The following SNRPN variants were observed in gnomAD, a reference collection of about 807,000 sequenced individuals.
The protein encoded by SNRPN is small nuclear ribonucleoprotein-associated protein N.
Under a neutral mutation model 25.2 loss-of-function variants are expected in SNRPN, and 7 were observed. The ratio of observed to expected loss-of-function variants is 0.28; its 90% CI spans 0.16 to 0.52. SNRPN has a LOEUF of 0.52. Among genes scored for constraint, SNRPN ranks in the 20% least tolerant of loss-of-function variants. SNRPN has a pLI of 0.96. For synonymous variants in SNRPN, 124 were observed against 110.6 expected, an observed-to-expected ratio of 1.12 and a Z score of -0.76; for missense variants, 196 against 322.5, an observed-to-expected ratio of 0.61 and a Z score of 3.00.
chr15:24,928,857 C>T (rs151099094), intron 3 of SNRPN, among the ~76,000 whole-genome samples: 16 of 152,176 alleles, frequency 1.1e-4, no homozygotes, highest in East Asian at 9.7e-4. Flanking sequence ...ATCTTCCTGC[C>T]GTGGTCTCCC....
chr15:24,904,897 C>T (rs530847127), intron 2 of SNRPN, among the ~76,000 whole-genome samples: 202 of 147,750 alleles, frequency 1.4e-3, no homozygotes, highest in African/African-American at 4.2e-3. Flanking sequence ...GAGCCGAGAT[C>T]GCGCCACTGC....
rs1052466091 is a variant in SNRPN, at chr15:24,936,373, T to A, written c.-391+16249T>A. On this transcript the variant is annotated intron_variant, in intron 3 of 11. Transcript: ENST00000400097. ...TGATATCTGGTAGGGATGGCGGTGC[T>A]GAACTGTGAAGGTGTTGGAAACCAG... is the stretch of plus-strand genomic sequence containing the variant. 2.8e-4 allele frequency among the ~76,000 whole-genome samples: 42 copies of A among 152,086 alleles called. 1 individual carries two copies. The highest frequency in any genetic ancestry group is 2.1e-3 in the Admixed American group (32 of 15,240).
intron 2 of SNRPN, among the ~76,000 whole-genome samples, chr15:24,899,995 T>C (rs1205360357): frequency 1.3e-5 from 2 of 152,142 alleles, no homozygotes; most frequent in Non-Finnish European, 2.9e-5. Flanking sequence ...TCCTTGTCAA[T>C]GTGCAATGGG....
chr15:24,934,533 A>G (rs907436854), intron 3 of SNRPN, among the ~76,000 whole-genome samples: 15 of 152,098 alleles, frequency 9.9e-5, no homozygotes, highest in African/African-American at 3.1e-4. Context: ...CTCTACAGAA[A>G]AAGGCTGCTG....
At chr15:24,918,864 T>A (rs1334800055) in intron 2 of SNRPN, among the ~76,000 whole-genome samples, 1 of 125,012 alleles carries the variant, frequency 8.0e-6, no homozygotes, top group Non-Finnish European at 1.6e-5. Context: ...TATATAACAA[T>A]ATATATATGT....
At chr15:24,861,570 A>C (rs909796033) in intron 1 of SNRPN, among the ~76,000 whole-genome samples, 4 of 152,170 alleles carry the variant, frequency 2.6e-5, no homozygotes, top group African/African-American at 7.2e-5. Flanking sequence ...AAACACTGTA[A>C]ACTAAGGCTA....
intron 1 of SNRPN, among the ~76,000 whole-genome samples, chr15:24,860,330 C>CTG (rs34044223): frequency 0.47 from 71,640 of 151,866 alleles, 17,419 homozygotes; most frequent in East Asian, 0.55. Context: ...TTGATACAAA[C>CTG]TGGTATTTAT....
chr15:24,901,757 C>T (rs376285124), intron 2 of SNRPN, among the ~76,000 whole-genome samples: 2 of 152,070 alleles, frequency 1.3e-5, no homozygotes, highest in South Asian at 2.1e-4. Flanking sequence ...AAAATAATGA[C>T]TAAGTTAAAT....
chr15:24,836,081 G>C (rs2051157997), intron 2 of SNRPN, among the ~76,000 whole-genome samples: 1 of 152,060 alleles, frequency 6.6e-6, no homozygotes, highest in Non-Finnish European at 1.5e-5. Flanking sequence ...CGGCAAGGTT[G>C]TATTCTTTGT....
In SNRPN at chr15:24,968,261, G is replaced by A. The variant is rs961533960; in HGVS notation, c.-144+179G>A. The A allele has an allele frequency of 2.0e-5, 10 of 507,202 alleles. No homozygotes were observed. The East Asian group carries it at 2.8e-4, about 14-fold the overall frequency. The allele number at this position is 507,202 out of a possible 1,614,324, so 31.4% of individuals were successfully genotyped here. ...TTAAATTTTCTGCCCTGACACTTTC[G>A]TCATGTTTCTGTATTCCAGTTATTG... is the stretch of plus-strand genomic sequence containing the variant. On this transcript the variant is annotated intron_variant, in intron 3 of 9. Transcript: ENST00000390687.
chr15:24,843,982 A>C (rs1364546175), intron 2 of SNRPN, among the ~76,000 whole-genome samples: 1 of 152,042 alleles, frequency 6.6e-6, no homozygotes. Context: ...GAAAAAAAAA[A>C]AAAACGTATG....
chr15:24,907,824 G>T (rs1337627092), intron 2 of SNRPN, among the ~76,000 whole-genome samples: 2 of 152,004 alleles, frequency 1.3e-5, no homozygotes, highest in Non-Finnish European at 2.9e-5. Flanking sequence ...GGAGGCCAAG[G>T]TAGGCAGATC....
At chr15:24,889,120 G>A (rs1344206251) in intron 2 of SNRPN, among the ~76,000 whole-genome samples, 2 of 151,790 alleles carry the variant, frequency 1.3e-5, no homozygotes, top group Non-Finnish European at 2.9e-5. Flanking sequence ...GTTTCACCAT[G>A]TTGGCCAGGC....
upstream of SNRPN, among the ~76,000 whole-genome samples, chr15:24,950,859 C>CTTT (rs78858293): frequency 7.1e-6 from 1 of 140,324 alleles, no homozygotes; most frequent in Non-Finnish European, 1.6e-5. Flanking sequence ...CTATGTTTTC[C>CTTT]TTTTTTTTTT....
At chr15:24,924,533 A>G (rs1050175680) in intron 3 of SNRPN, among the ~76,000 whole-genome samples, 24 of 152,166 alleles carry the variant, frequency 1.6e-4, no homozygotes, top group African/African-American at 4.8e-4. Flanking sequence ...TGCTCCCCAC[A>G]TAACCTCAGT....
chr15:24,964,809 T>C (rs1305659737), intron 2 of SNRPN, among the ~76,000 whole-genome samples: 2 of 152,188 alleles, frequency 1.3e-5, no homozygotes, highest in Non-Finnish European at 2.9e-5. Flanking sequence ...AAATAACAGG[T>C]AGTCTCATCC....
chr15:24,853,424 C>T (rs1044423746), upstream of SNRPN, among the ~76,000 whole-genome samples: 8 of 150,448 alleles, frequency 5.3e-5, 1 homozygote, highest in South Asian at 4.2e-4. Flanking sequence ...AGATGACTCT[C>T]GTTCTGTTGC....
Position 24,860,612 on chromosome 15 carries a change from C to T in SNRPN, c.-579+3896C>T, listed in dbSNP as rs547604146. Among the ~76,000 whole-genome samples the T allele has an allele frequency of 3.3e-5, 5 of 152,270 alleles. No homozygotes were observed. In the East Asian group the frequency reaches 5.8e-4, roughly 18 times the overall value. On this transcript the variant is annotated intron_variant, in intron 1 of 11. Coordinates refer to the SNRPN transcript ENST00000400097. ...TAGTTAAAATCACAGCCTAGCCTAT[C>T]ATCCTTAAGTGTGCTCAAAACACTT...
At chr15:24,886,128 C>T (rs2057186436) in intron 1 of SNRPN, among the ~76,000 whole-genome samples, 1 of 152,166 alleles carries the variant, frequency 6.6e-6, no homozygotes, top group Non-Finnish European at 1.5e-5. Flanking sequence ...AACAAGAACA[C>T]TGCTAAGTTA....
Sources: allele counts gnomAD v4.1 joint callset (sites outside exome capture counted in the v4.1 genomes callset), GRCh38; gene constraint gnomAD v4.1.1; transcripts MANE v1.5; gene names NCBI Gene and HGNC (gene_info 2026-07-23, HGNC 2026-07-21).